The following FHIP2B variants were observed in gnomAD, a reference collection of about 807,000 sequenced individuals.
FHIP2B encodes FHF complex subunit HOOK-interacting protein 2B.
Under a neutral mutation model 84.0 loss-of-function variants are expected in FHIP2B, and 72 were observed. The observed-to-expected ratio is 0.86, with a 90% CI of 0.71 to 1.04. The LOEUF (loss-of-function observed/expected upper bound fraction) is 1.04, where lower values mean the gene tolerates loss of function less well. FHIP2B is among the 50% of genes least tolerant of loss of function. FHIP2B has a pLI of 0.00. For missense variants in FHIP2B, 972 were observed against 968.9 expected (o/e 1.00, Z -0.04); for synonymous variants, 497 against 418.7 (o/e 1.19, Z -2.28).
At chr8:22,094,618 C>T in intron 2 of FHIP2B, 100 bp downstream of exon 2, 1 of 1,573,224 alleles carries the variant, frequency 6.4e-7, no homozygotes, top group Non-Finnish European at 8.6e-7. Flanking sequence ...AGGTAACCTG[C>T]CCAGTCGTTC....
At chr8:22,089,635 G>A in intron 1 of FHIP2B, 2 of 474,220 alleles carry the variant, frequency 4.2e-6, no homozygotes, top group South Asian at 2.0e-5. Flanking sequence ...GGTGTTTCCT[G>A]CCCCCCGGGG....
chr8:22,092,581 G>C (rs1255998150), intron 1 of FHIP2B, among the ~76,000 whole-genome samples: 2 of 31,118 alleles, frequency 6.4e-5, no homozygotes, highest in Admixed American at 5.9e-4. Flanking sequence ...TTTTTTTTTT[G>C]AGACTCTGTC....
chr8:22,101,438 A>G lies in FHIP2B; in HGVS notation c.1617-2A>G. ...GCCTCCACACCGGCTTCTATCTCTC[A>G]GTTTCCTGTGCCTGGTCCCCGAGGA... On this transcript the variant is annotated splice_acceptor_variant, in intron 12 of 16. Transcript: ENST00000289921. LOFTEE classifies it high-confidence loss of function. The G allele has an allele frequency of 6.2e-7, 1 of 1,606,116 alleles. No homozygotes were observed. The highest frequency in any genetic ancestry group is 8.5e-7 in the Non-Finnish European group (1 of 1,176,078).
rs748739220 is a variant in FHIP2B at position 22,101,542 on chromosome 8, C to T, written c.1707+12C>T. 3.1e-6 allele frequency: 5 copies of T among 1,606,216 alleles called. No individual in the cohort carries two copies. Among genetic ancestry groups the T allele is most frequent in the Non-Finnish European group, 4.3e-6 (5 of 1,174,794 alleles). On this transcript the variant is annotated intron_variant, in intron 13 of 16. Coordinates refer to ENST00000289921, the MANE Select transcript of FHIP2B (RefSeq NM_022749.7). ...ATGCTTATGGCCTGGTGAGTGGCTC[C>T]TGCTACCAGCTCCCACTTCCTGTCC...
At chr8:22,092,117 A>G (rs1015569763) in intron 1 of FHIP2B, among the ~76,000 whole-genome samples, 12 of 148,712 alleles carry the variant, frequency 8.1e-5, no homozygotes, top group African/African-American at 2.0e-4. Context: ...GCCCCTACCA[A>G]CTAGCTTTGC....
rs1366243893 is a variant in FHIP2B, at chr8:22,102,967, C to T, written c.*36C>T. 6.2e-7 allele frequency: 1 copy of T among 1,600,124 alleles called. No homozygotes were observed. Among genetic ancestry groups the T allele is most frequent in the East Asian group, 2.2e-5 (1 of 44,674 alleles). ...GGGCGGTGGGAGACTCCTGTCCACA[C>T]CTCTGCCCCAGAGCTGCCTCCTGCC... On this transcript the variant is annotated 3_prime_UTR_variant, in exon 17 of 17. Coordinates refer to ENST00000289921, the MANE Select transcript of FHIP2B (RefSeq NM_022749.7).
Position 22,101,518 on chromosome 8 carries a change from T to C in FHIP2B, c.1695T>C (p.Asp565=). 2 of 1,612,182 alleles carry C rather than the reference T, an allele frequency of 1.2e-6. No homozygotes were observed. Among genetic ancestry groups the C allele is most frequent in the Non-Finnish European group, 1.7e-6 (2 of 1,178,730 alleles). ...CAGGCTATGACACATACGTCCACGA[T>C]GCTTATGGCCTGGTGAGTGGCTCCT... ...EETGYDTYVH[D]AYGLFQECSS... Residue 565 remains aspartate, a synonymous_variant, in exon 13 of 17, where the codon GAT becomes GAC. Transcript: ENST00000289921.
chr8:22,091,680 G>A (rs1178092540), intron 1 of FHIP2B, among the ~76,000 whole-genome samples: 2 of 152,186 alleles, frequency 1.3e-5, no homozygotes, highest in Non-Finnish European at 2.9e-5. Context: ...TGGTTAACCT[G>A]CCTCTCCCGT....
intron 14 of FHIP2B, 119 bp downstream of exon 14, chr8:22,101,970 C>T: frequency 6.6e-7 from 1 of 1,503,938 alleles, no homozygotes; most frequent in African/African-American, 1.4e-5. Flanking sequence ...CCTGTCCTTT[C>T]CCCAGGTGGG....
intron 1 of FHIP2B, among the ~76,000 whole-genome samples, chr8:22,090,613 T>A (rs1825439768): frequency 6.6e-6 from 1 of 151,960 alleles, no homozygotes; most frequent in Non-Finnish European, 1.5e-5. Flanking sequence ...TCCTGAGGAG[T>A]GAATTTCTTT....
chr8:22,100,884 G>T lies in FHIP2B; in HGVS notation c.1528G>T (p.Asp510Tyr), dbSNP rs531230265. 21 of 1,613,892 alleles carry T rather than the reference G, an allele frequency of 1.3e-5. No homozygotes were observed. The South Asian group carries it at 1.6e-4, about 13-fold the overall frequency. Reference protein sequence around the residue: ...EDPYFTDSFLDSGFQTPAKPR... With the variant: ...EDPYFTDSFLYSGFQTPAKPR... ...CCCCTACTTCACCGACAGCTTCCTGGATTCCGGCTTTCAAACTCCCGCAAA... is the reference window on the plus strand; with the variant it reads ...CCCCTACTTCACCGACAGCTTCCTGTATTCCGGCTTTCAAACTCCCGCAAA... Residue 510 changes from aspartate (D) to tyrosine (Y), a missense_variant, in exon 12 of 17, where the codon GAT becomes TAT. Coordinates refer to ENST00000289921, the MANE Select transcript of FHIP2B (RefSeq NM_022749.7).
chr8:22,100,165 C>T, intron 10 of FHIP2B: 1 of 449,478 alleles, frequency 2.2e-6, no homozygotes, highest in East Asian at 4.3e-5. Flanking sequence ...AACTCCTGGC[C>T]TCAAGCGATC....
At chr8:22,094,874 A>G in intron 2 of FHIP2B, 1 of 1,111,124 alleles carries the variant, frequency 9.0e-7, no homozygotes. Context: ...CTAGGATTTA[A>G]TGATCAAAAG....
intron 7 of FHIP2B, 121 bp downstream of exon 7, chr8:22,098,740 C>T: frequency 1.8e-6 from 2 of 1,125,230 alleles, no homozygotes; most frequent in Non-Finnish European, 2.5e-6. Context: ...CCACCCTCTC[C>T]CCAAGGCTGC....
chr8:22,102,715 C>T, intron 16 of FHIP2B, 78 bp from the exon 17 acceptor site: 1 of 1,601,130 alleles, frequency 6.2e-7, no homozygotes, highest in African/African-American at 1.3e-5. Flanking sequence ...CAGGGTCAAG[C>T]CTCGTGGATG....
intron 2 of FHIP2B, chr8:22,094,844 C>G: frequency 8.5e-7 from 1 of 1,182,938 alleles, no homozygotes; most frequent in Non-Finnish European, 1.0e-6. Flanking sequence ...TCCAGACCTT[C>G]AGGCCCCAGG....
Position 22,102,293 on chromosome 8 carries a change from G to T in FHIP2B, c.1970G>T (p.Ser657Ile), listed in dbSNP as rs756937687. The part of the protein sequence containing the change: ...PYISLAPGCR[S>I]LFSVLVRVIG... ...ATCAGCCTGGCCCCCGGCTGCAGGAGCCTATTCTCCGTGTTGGTGAGGGTG... is the reference window on the plus strand; with the variant it reads ...ATCAGCCTGGCCCCCGGCTGCAGGATCCTATTCTCCGTGTTGGTGAGGGTG... The change falls in exon 15 of 17, where the codon AGC (serine) becomes ATC (isoleucine). Residue 657 changes from serine to isoleucine, a missense_variant. Physicochemically the swap from Ser to Ile is moderately radical, Grantham distance 142. Coordinates refer to ENST00000289921, the MANE Select transcript of FHIP2B (RefSeq NM_022749.7). 1 of 1,612,860 alleles carries T rather than the reference G, an allele frequency of 6.2e-7. No individual in the cohort carries two copies. The highest frequency in any genetic ancestry group is 1.7e-5 in the Admixed American group (1 of 60,004).
At chr8:22,095,046 C>G in intron 2 of FHIP2B, 2 of 249,544 alleles carry the variant, frequency 8.0e-6, no homozygotes, top group Non-Finnish European at 1.3e-5. Context: ...CACCTGGTCC[C>G]ATCAGGACCG....
Position 22,102,762 on chromosome 8 carries a change from C to T in FHIP2B, c.2094-31C>T, listed in dbSNP as rs779437465. On this transcript the variant is annotated intron_variant, in intron 16 of 16. Transcript: ENST00000289921. ...TGCTGGGCACAGTCCTGCCCCCACC[C>T]AGCCATGCCCCCTGTGCCATCTCCC... The T allele has an allele frequency of 7.1e-5, 115 of 1,610,588 alleles. 1 individual carries two copies. In the South Asian group the frequency reaches 1.1e-3, roughly 16 times the overall value.
Sources: allele counts gnomAD v4.1 joint callset (sites outside exome capture counted in the v4.1 genomes callset), GRCh38; gene constraint gnomAD v4.1.1; transcripts MANE v1.5; gene names NCBI Gene and HGNC (gene_info 2026-07-23, HGNC 2026-07-21).